The following AIG1 variants were observed in gnomAD, a reference collection of about 807,000 sequenced individuals.
The protein encoded by AIG1 is androgen-induced gene 1 protein.
AIG1 carries 23 observed loss-of-function variants against 31.4 expected under a neutral mutation model. That is an observed-to-expected ratio of 0.73 (90% CI 0.53 to 1.04). AIG1 has a LOEUF of 1.04. AIG1 is among the 50% of genes least tolerant of loss of function. The pLI is 0.00. For missense variants in AIG1, 274 were observed against 295.0 expected, an observed-to-expected ratio of 0.93 and a Z score of 0.52; for synonymous variants, 100 against 110.5, an observed-to-expected ratio of 0.90 and a Z score of 0.60.
At chr6:143,315,751 A>G (rs868414329) in intron 4 of AIG1, among the ~76,000 whole-genome samples, 1 of 152,152 alleles carries the variant, frequency 6.6e-6, no homozygotes, top group South Asian at 2.1e-4. Context: ...TGAATTTGAC[A>G]TAGAATTTTT....
chr6:143,062,034 T>C (rs1248761945), intron 1 of AIG1, among the ~76,000 whole-genome samples: 1 of 152,214 alleles, frequency 6.6e-6, no homozygotes, highest in African/African-American at 2.4e-5. Context: ...CTCCCTGAAC[T>C]GTTTATCCAA....
At chr6:143,314,887 G>A (rs1342991486) in intron 4 of AIG1, among the ~76,000 whole-genome samples, 1 of 152,088 alleles carries the variant, frequency 6.6e-6, no homozygotes, top group African/African-American at 2.4e-5. Flanking sequence ...ACTGTTCTTG[G>A]AGTTATTTCT....
intron 3 of AIG1, chr6:143,187,477 C>T (rs1206456832): frequency 6.5e-7 from 1 of 1,535,344 alleles, no homozygotes; most frequent in African/African-American, 1.4e-5. Context: ...ACACTCTGCT[C>T]AATTGAAGAC....
At chr6:143,065,513 C>A in intron 1 of AIG1, among the ~76,000 whole-genome samples, 1 of 152,052 alleles carries the variant, frequency 6.6e-6, no homozygotes, top group East Asian at 1.9e-4. Context: ...CTGTGTGTTA[C>A]ATGATAATTG....
At chr6:143,343,215 C>T (rs1430384359), downstream of AIG1, 6 of 686,410 alleles carry the variant, frequency 8.7e-6, no homozygotes, top group East Asian at 1.7e-4. Flanking sequence ...AGGAATGATC[C>T]TGGGACGGAA....
Position 143,326,545 on chromosome 6 carries a change from G to A in AIG1, c.516-6737G>A, listed in dbSNP as rs1201391915. Among the ~76,000 whole-genome samples, 2 of 152,112 alleles carry A rather than the reference G, an allele frequency of 1.3e-5. No homozygotes were observed. Among genetic ancestry groups the A allele is most frequent in the Non-Finnish European group, 2.9e-5 (2 of 68,022 alleles). Reference sequence around the variant, plus strand: ...CACCCCACCGAACTTACACTGTAGAGGGGGAGAAACATATTATTTAAATAA... The same window carrying A: ...CACCCCACCGAACTTACACTGTAGAAGGGGAGAAACATATTATTTAAATAA... On this transcript the variant is annotated intron_variant, in intron 4 of 5. Coordinates refer to ENST00000357847, the MANE Select transcript of AIG1 (RefSeq NM_016108.4). The surrounding 1 kb of genome is among the most constrained non-coding windows in gnomAD (Gnocchi z 4.5).
chr6:143,114,276 G>T (rs1421701769), intron 1 of AIG1, among the ~76,000 whole-genome samples: 1 of 152,014 alleles, frequency 6.6e-6, no homozygotes, highest in Admixed American at 6.6e-5. Context: ...GTTTTGTTTT[G>T]GTTTTGTTTT....
intron 1 of AIG1, among the ~76,000 whole-genome samples, chr6:143,082,877 T>A (rs1349110586): frequency 6.6e-6 from 1 of 152,242 alleles, no homozygotes; most frequent in Non-Finnish European, 1.5e-5. Flanking sequence ...GGTTAGGCCC[T>A]ACTTTAGGAC....
intron 3 of AIG1, chr6:143,188,989 A>G (rs1177462238): frequency 3.0e-6 from 3 of 984,696 alleles, no homozygotes; most frequent in Non-Finnish European, 3.6e-6. Flanking sequence ...CTGAGATAAA[A>G]GTCAAAGTTA....
intron 3 of AIG1, among the ~76,000 whole-genome samples, chr6:143,207,929 A>G (rs1445027967): frequency 1.3e-5 from 2 of 152,114 alleles, no homozygotes; most frequent in East Asian, 3.9e-4. Flanking sequence ...AATTTAGGAT[A>G]TTTCAGAGTT....
chr6:143,149,763 C>T (rs1405474077), intron 2 of AIG1, among the ~76,000 whole-genome samples: 1 of 152,128 alleles, frequency 6.6e-6, no homozygotes, highest in Non-Finnish European at 1.5e-5. Context: ...GAAAATCTTT[C>T]CTGCTTTGTC....
intron 2 of AIG1, among the ~76,000 whole-genome samples, chr6:143,141,783 C>T (rs1784264176): frequency 6.6e-6 from 1 of 152,138 alleles, no homozygotes; most frequent in Non-Finnish European, 1.5e-5. Flanking sequence ...AGTTTATTAG[C>T]AGCAATCAGA....
At chr6:143,112,939 G>GA (rs1781416801) in intron 1 of AIG1, among the ~76,000 whole-genome samples, 1 of 152,114 alleles carries the variant, frequency 6.6e-6, no homozygotes, top group Admixed American at 6.5e-5. Flanking sequence ...GTTGAGACTT[G>GA]AAAAAATAAG....
At chr6:143,125,362 G>T (rs1354624810) in intron 1 of AIG1, among the ~76,000 whole-genome samples, 1 of 152,130 alleles carries the variant, frequency 6.6e-6, no homozygotes, top group East Asian at 1.9e-4. Flanking sequence ...GTGCATACTG[G>T]TTTCATAGTG....
rs374166142 is a variant in AIG1 at position 143,195,605 on chromosome 6, C to T, written c.399+30422C>T. ...GAATAGAAGAAGGCTGAGAGTGGAACCTTGGCGACTGGCCACCCTGAGGGA... is the reference window on the plus strand; with the variant it reads ...GAATAGAAGAAGGCTGAGAGTGGAATCTTGGCGACTGGCCACCCTGAGGGA... On this transcript the variant is annotated intron_variant, in intron 3 of 5. Transcript: ENST00000357847. 1.1e-4 allele frequency among the ~76,000 whole-genome samples: 17 copies of T among 152,200 alleles called. No individual in the cohort carries two copies. The South Asian group carries it at 3.5e-3, about 32-fold the overall frequency.
intron 3 of AIG1, among the ~76,000 whole-genome samples, chr6:143,229,784 CA>C (rs751464049): frequency 8.4e-4 from 68 of 80,708 alleles, no homozygotes; most frequent in Admixed American, 2.4e-3. Context: ...ACTCTCAGAA[CA>C]AAAAAAAAAA....
At chr6:143,294,288 A>T (rs930072550) in intron 4 of AIG1, among the ~76,000 whole-genome samples, 1 of 152,150 alleles carries the variant, frequency 6.6e-6, no homozygotes, top group East Asian at 1.9e-4. Flanking sequence ...GCCCCTGTAC[A>T]TCTAGCTGCT....
rs1776996530 is a variant in AIG1 at position 143,330,567 on chromosome 6, T to C, written c.516-2715T>C. The stretch of plus-strand genomic sequence containing the variant: ...GAGATTAAATCAGAAAAGTGCGGGG[T>C]AGGGCCTTGAAGAACCATCTAGGGA... On this transcript the variant is annotated intron_variant, in intron 4 of 5. Coordinates refer to ENST00000357847, the MANE Select transcript of AIG1 (RefSeq NM_016108.4). The surrounding 1 kb of genome is among the most constrained non-coding windows in gnomAD (Gnocchi z 4.4). Among the ~76,000 whole-genome samples, 1 of 150,742 alleles carries C rather than the reference T, an allele frequency of 6.6e-6. No individual in the cohort carries two copies. The highest frequency in any genetic ancestry group is 1.5e-5 in the Non-Finnish European group (1 of 67,584).
At chr6:143,079,779 C>CTTTTT (rs78637706) in intron 1 of AIG1, among the ~76,000 whole-genome samples, 5 of 106,974 alleles carry the variant, frequency 4.7e-5, no homozygotes, top group Admixed American at 9.6e-5. Context: ...GGATAGATTC[C>CTTTTT]TTTTTTTTTT....
Sources: allele counts gnomAD v4.1 joint callset (sites outside exome capture counted in the v4.1 genomes callset), GRCh38; gene constraint gnomAD v4.1.1; non-coding constraint Gnocchi (gnomAD v3.1); transcripts MANE v1.5; gene names NCBI Gene and HGNC (gene_info 2026-07-23, HGNC 2026-07-21).